TIAM1: variants seen among roughly 807,000 people sequenced by gnomAD.
TIAM1 encodes the protein rho guanine nucleotide exchange factor TIAM1.
Under a neutral mutation model 163.5 loss-of-function variants are expected in TIAM1, and 65 were observed. The observed-to-expected ratio is 0.40, with a 90% CI of 0.33 to 0.49. TIAM1 has a LOEUF of 0.49. TIAM1 is among the 20% of genes least tolerant of loss of function. TIAM1 has a pLI of 0.77. For missense variants in TIAM1, 1,789 were observed against 2,044.7 expected, an observed-to-expected ratio of 0.87 and a Z score of 2.41; for synonymous variants, 833 against 810.1, an observed-to-expected ratio of 1.03 and a Z score of -0.48.
At chr21:31,225,665 A>AC (rs1363640892) in intron 7 of TIAM1, 61 bp downstream of exon 7, 1 of 1,451,082 alleles carries the variant, frequency 6.9e-7, no homozygotes, top group East Asian at 2.3e-5. Flanking sequence ...GCAAAAAAAA[A>AC]AAAAAACCCT....
At chr21:31,201,405 C>T (rs900768184) in intron 12 of TIAM1, among the ~76,000 whole-genome samples, 3 of 151,928 alleles carry the variant, frequency 2.0e-5, no homozygotes, top group South Asian at 2.1e-4. Flanking sequence ...TATTGCATAA[C>T]GTGCTATAAG....
rs1032067085 is a variant in TIAM1 at position 31,120,108 on chromosome 21, A to G, written c.*260T>C. ...TTTTCTTTTAATTGTTCAGGCCCTG[A>G]TTTATTGAGAATAAATAAAAGCCCT... On this transcript the variant is annotated 3_prime_UTR_variant, in exon 28 of 28. Coordinates refer to ENST00000541036, the MANE Select transcript of TIAM1 (RefSeq NM_001353694.2). The surrounding 1 kb of genome is among the most constrained non-coding windows in gnomAD (Gnocchi z 4.2). 61 of 410,690 alleles carry G rather than the reference A, an allele frequency of 1.5e-4. 1 individual carries two copies. Among genetic ancestry groups the G allele is most frequent in the Middle Eastern group, 1.3e-3 (2 of 1,570 alleles). The allele number at this position is 410,690 out of a possible 1,614,324, so 25.4% of individuals were successfully genotyped here. A position where few individuals can be genotyped will look rare whatever the true frequency, so the allele number is the denominator to read the frequency against.
intron 20 of TIAM1, among the ~76,000 whole-genome samples, chr21:31,144,564 A>T (rs2083015993): frequency 6.6e-6 from 1 of 152,094 alleles, no homozygotes; most frequent in Admixed American, 6.5e-5. Flanking sequence ...ATGGTGGATC[A>T]CACCTGTAAT....
intron 12 of TIAM1, among the ~76,000 whole-genome samples, chr21:31,196,352 C>A (rs1266428844): frequency 6.7e-6 from 1 of 150,202 alleles, no homozygotes; most frequent in Non-Finnish European, 1.5e-5. Flanking sequence ...TGCTCTGTTG[C>A]CCAGGCTGGA....
chr21:31,241,196 C>T (rs563732125), intron 6 of TIAM1, among the ~76,000 whole-genome samples: 3 of 152,144 alleles, frequency 2.0e-5, no homozygotes, highest in African/African-American at 4.8e-5. Context: ...TCTTTATTAG[C>T]GGCTAAGAGA....
At chr21:31,523,711 G>A (rs2047682736) in intron 1 of TIAM1, among the ~76,000 whole-genome samples, 1 of 152,096 alleles carries the variant, frequency 6.6e-6, no homozygotes, top group African/African-American at 2.4e-5. Flanking sequence ...ATCACCCGAG[G>A]TCAGGAGTTC....
chr21:31,519,729 G>C (rs1405699329), intron 1 of TIAM1, among the ~76,000 whole-genome samples: 2 of 152,150 alleles, frequency 1.3e-5, no homozygotes, highest in African/African-American at 4.8e-5. Flanking sequence ...CCTTAAAAGG[G>C]AAGGAAATTC....
chr21:31,385,419 C>G (rs2076848381), intron 2 of TIAM1, among the ~76,000 whole-genome samples: 1 of 152,026 alleles, frequency 6.6e-6, no homozygotes, highest in South Asian at 2.1e-4. Context: ...AGGCTGTGGG[C>G]TGCTACGAAA....
intron 2 of TIAM1, among the ~76,000 whole-genome samples, chr21:31,351,032 C>T (rs142853086): frequency 1.3e-5 from 2 of 152,348 alleles, no homozygotes; most frequent in African/African-American, 4.8e-5. Context: ...CTTCCACTAA[C>T]ATAGGCATTT....
Position 31,268,724 on chromosome 21 carries a change from C to T in TIAM1, c.-11-1741G>A, listed in dbSNP as rs115224935. 1.4e-3 allele frequency among the ~76,000 whole-genome samples: 208 copies of T among 152,176 alleles called. 1 individual carries two copies. The highest frequency in any genetic ancestry group is 6.8e-3 in the Middle Eastern group (2 of 294). On this transcript the variant is annotated intron_variant, in intron 3 of 27. Transcript: ENST00000541036. ...TAAGAAGCAAGAAAAAAGATAAAAA[C>T]GAAAAGATCAACGGTCTGTGCACAA... is the stretch of plus-strand genomic sequence containing the variant.
At position 31,339,401 on chromosome 21, in the gene TIAM1, T is replaced by A; in HGVS notation, c.-347A>T. On this transcript the variant is annotated 5_prime_UTR_variant, in exon 2 of 28. Coordinates refer to ENST00000541036, the MANE Select transcript of TIAM1 (RefSeq NM_001353694.2). The stretch of plus-strand genomic sequence containing the variant: ...TGGGCTTCAGGTCTAGAAAGGTGGG[T>A]CTCAGTCCACAGTGATTCTACCTAT... 1 of 398,612 alleles carries A rather than the reference T, an allele frequency of 2.5e-6. No homozygotes were observed. Among genetic ancestry groups the A allele is most frequent in the Non-Finnish European group, 4.4e-6 (1 of 226,102 alleles). The allele number at this position is 398,612 out of a possible 1,614,324, so 24.7% of individuals were successfully genotyped here. A position where few individuals can be genotyped will look rare whatever the true frequency, so the allele number is the denominator to read the frequency against.
At chr21:31,551,556 T>G (rs1156406210) in intron 1 of TIAM1, among the ~76,000 whole-genome samples, 1 of 151,434 alleles carries the variant, frequency 6.6e-6, no homozygotes, top group Non-Finnish European at 1.5e-5. Flanking sequence ...CTGAGCACTA[T>G]AGTAGAACCC....
rs115850326 is a variant in TIAM1 at position 31,171,821 on chromosome 21, C to T, written c.2888-6756G>A. Among the ~76,000 whole-genome samples, 1,004 of 152,244 alleles carry T rather than the reference C, an allele frequency of 6.6e-3. 15 individuals carry two copies. The highest frequency in any genetic ancestry group is 0.023 in the African/African-American group (956 of 41,550). On this transcript the variant is annotated intron_variant, in intron 15 of 27. Transcript: ENST00000541036. ...CTTGCCCTGCTGGGAACTCTGAGCC[C>T]ACCATACAAAGAAATCTCAAGCTAA...
intron 2 of TIAM1, among the ~76,000 whole-genome samples, chr21:31,451,085 C>T (rs1055548645): frequency 3.3e-5 from 5 of 150,866 alleles, no homozygotes; most frequent in Non-Finnish European, 5.9e-5. Context: ...AAAAAAGGTT[C>T]GCTCTGGATG....
chr21:31,255,944 T>C (rs573224456), intron 4 of TIAM1, among the ~76,000 whole-genome samples: 167 of 152,350 alleles, frequency 1.1e-3, no homozygotes, highest in African/African-American at 3.8e-3. Flanking sequence ...CCAGTTGCCA[T>C]TCCACTGGCA....
intron 2 of TIAM1, among the ~76,000 whole-genome samples, chr21:31,373,840 C>T (rs1227526992): frequency 6.6e-6 from 1 of 152,136 alleles, no homozygotes; most frequent in Non-Finnish European, 1.5e-5. Context: ...TTTCCCCCAT[C>T]GTTTAAATCA....
chr21:31,135,179 G>GT (rs2082570272), intron 23 of TIAM1, among the ~76,000 whole-genome samples: 1 of 152,136 alleles, frequency 6.6e-6, no homozygotes, highest in South Asian at 2.1e-4. Flanking sequence ...AGTGTTGATA[G>GT]TTTTATATTC....
intron 26 of TIAM1, among the ~76,000 whole-genome samples, chr21:31,124,956 G>A (rs2082137713): frequency 6.6e-6 from 1 of 152,122 alleles, no homozygotes; most frequent in Admixed American, 6.5e-5. Flanking sequence ...TATGGACAGT[G>A]GGAGTTTGTA....
At chr21:31,139,976 C>T (rs536022892) in intron 22 of TIAM1, among the ~76,000 whole-genome samples, 4 of 152,328 alleles carry the variant, frequency 2.6e-5, no homozygotes. Flanking sequence ...TTCACCTCAA[C>T]ATTTCTTCAC....
Sources: allele counts gnomAD v4.1 joint callset (sites outside exome capture counted in the v4.1 genomes callset), GRCh38; gene constraint gnomAD v4.1.1; non-coding constraint Gnocchi (gnomAD v3.1); transcripts MANE v1.5; gene names NCBI Gene and HGNC (gene_info 2026-07-23, HGNC 2026-07-21).